AFG2A: variants seen among roughly 807,000 people sequenced by gnomAD.
AFG2A encodes the protein AAA ATPase AFG2A, also known as ATPase family gene 2 protein homolog A.
chr4:122,931,062 A>C, the AFG2A span, among the ~76,000 whole-genome samples: 4 of 152,220 alleles, frequency 2.6e-5, no homozygotes, highest in Non-Finnish European at 5.9e-5. Context: ...ATTAATAGTA[A>C]TGTTAGAGCT....
chr4:123,186,564 A>G, the AFG2A span, among the ~76,000 whole-genome samples: 1 of 152,214 alleles, frequency 6.6e-6, no homozygotes, highest in East Asian at 1.9e-4. Flanking sequence ...TCTACAGTCT[A>G]ATAATCTTAT....
At chr4:122,956,327 C>T in the AFG2A span, among the ~76,000 whole-genome samples, 1 of 152,234 alleles carries the variant, frequency 6.6e-6, no homozygotes, top group South Asian at 2.1e-4. Flanking sequence ...TCCTACCAAC[C>T]CTGTGATAGA....
the AFG2A span, among the ~76,000 whole-genome samples, chr4:123,146,599 C>T: frequency 6.6e-6 from 1 of 152,082 alleles, no homozygotes; most frequent in South Asian, 2.1e-4. Flanking sequence ...TAATAGACAT[C>T]AGAGATAACA....
the AFG2A span, chr4:123,314,058 A>G: frequency 6.4e-7 from 1 of 1,552,670 alleles, no homozygotes; most frequent in Non-Finnish European, 8.7e-7. Context: ...GGCTGCATAC[A>G]CTCTGAGAAA....
At chr4:122,980,238 T>A in the AFG2A span, among the ~76,000 whole-genome samples, 1,845 of 152,314 alleles carry the variant, frequency 0.012, 43 homozygotes, top group African/African-American at 0.041. Flanking sequence ...GAGTAAGATC[T>A]TTTGTCTTTC....
chr4:123,235,446 C>G, the AFG2A span, among the ~76,000 whole-genome samples: 1 of 152,170 alleles, frequency 6.6e-6, no homozygotes, highest in South Asian at 2.1e-4. Flanking sequence ...GTGGTGTTAA[C>G]TTGACCTCGC....
the AFG2A span, among the ~76,000 whole-genome samples, chr4:123,140,129 T>C: frequency 6.6e-6 from 1 of 152,100 alleles, no homozygotes; most frequent in Non-Finnish European, 1.5e-5. Flanking sequence ...CCTTCAATCC[T>C]GATATGTAAA....
At chr4:123,118,316 A>ATATATAAT in the AFG2A span, among the ~76,000 whole-genome samples, 1 of 129,336 alleles carries the variant, frequency 7.7e-6, no homozygotes, top group African/African-American at 3.2e-5. Context: ...TATATATAAT[A>ATATATAAT]TATATTATAT....
the AFG2A span, among the ~76,000 whole-genome samples, chr4:123,274,393 G>A: frequency 6.6e-6 from 1 of 150,904 alleles, no homozygotes; most frequent in African/African-American, 2.4e-5. Flanking sequence ...TAAAGAAATA[G>A]TACATGTTCT....
At chr4:123,150,038 A>T in the AFG2A span, among the ~76,000 whole-genome samples, 1 of 152,178 alleles carries the variant, frequency 6.6e-6, no homozygotes, top group Non-Finnish European at 1.5e-5. Flanking sequence ...TGATTATCTC[A>T]GTAGATACAG....
At chr4:123,118,668 T>C in the AFG2A span, among the ~76,000 whole-genome samples, 1 of 152,022 alleles carries the variant, frequency 6.6e-6, no homozygotes, top group South Asian at 2.1e-4. Flanking sequence ...AAAAGTGGGA[T>C]TGTTGTGTTA....
At chr4:122,945,658 G>A in the AFG2A span, among the ~76,000 whole-genome samples, 1 of 152,168 alleles carries the variant, frequency 6.6e-6, no homozygotes, top group East Asian at 1.9e-4. Context: ...CCACTGTCCT[G>A]CACCCACTTT....
the AFG2A span, among the ~76,000 whole-genome samples, chr4:123,257,860 A>G: frequency 2.0e-5 from 3 of 152,248 alleles, no homozygotes; most frequent in East Asian, 1.9e-4. Context: ...TGGTAGTAAC[A>G]TCGAAGTGCA....
the AFG2A span, among the ~76,000 whole-genome samples, chr4:123,236,140 A>T: frequency 0.013 from 1,943 of 152,304 alleles, 21 homozygotes; most frequent in Non-Finnish European, 0.022. Flanking sequence ...GAAAATACAA[A>T]TACAAAATTT....
chr4:122,967,506 G>A, the AFG2A span, among the ~76,000 whole-genome samples: 5 of 151,908 alleles, frequency 3.3e-5, no homozygotes, highest in African/African-American at 1.2e-4. Flanking sequence ...ATATTCGTTT[G>A]TATAAAATAT....
the AFG2A span, among the ~76,000 whole-genome samples, chr4:122,992,978 G>GTGTGTGTGTGTGTGTA: frequency 0.023 from 3,148 of 134,878 alleles, 40 homozygotes; most frequent in Middle Eastern, 0.075. Flanking sequence ...GTGTGTGTAT[G>GTGTGTGTGTGTGTGTA]TGTGTGTGTG....
At chr4:123,233,587 A>G in the AFG2A span, among the ~76,000 whole-genome samples, 1 of 152,002 alleles carries the variant, frequency 6.6e-6, no homozygotes, top group Admixed American at 6.6e-5. Flanking sequence ...TGCCTTTCCA[A>G]CTGCTTAAAA....
At chr4:122,926,399 A>T in the AFG2A span, among the ~76,000 whole-genome samples, 1 of 152,176 alleles carries the variant, frequency 6.6e-6, no homozygotes, top group South Asian at 2.1e-4. Flanking sequence ...TGCTCATTGG[A>T]AGGTTGAATT....
chr4:123,130,766 T>C, the AFG2A span, among the ~76,000 whole-genome samples: 2 of 152,228 alleles, frequency 1.3e-5, no homozygotes, highest in Admixed American at 6.5e-5. Context: ...ATATCTAATA[T>C]GATTCTAGGA....
Sources: allele counts gnomAD v4.1 joint callset (sites outside exome capture counted in the v4.1 genomes callset), GRCh38; gene constraint gnomAD v4.1.1; transcripts MANE v1.5; gene names NCBI Gene and HGNC (gene_info 2026-07-23, HGNC 2026-07-21).